The following NSD3 variants were observed in gnomAD, a reference collection of about 807,000 sequenced individuals.
The protein encoded by NSD3 is nuclear receptor binding SET domain protein 3.
Under a neutral mutation model 160.8 loss-of-function variants are expected in NSD3, and 24 were observed. The observed-to-expected ratio is 0.15, with a 90% confidence interval of 0.11 to 0.21. NSD3 has a LOEUF of 0.21. Ranked by LOEUF, NSD3 falls within the 10% of genes least tolerant of loss-of-function variation. The pLI, the probability that NSD3 is intolerant of heterozygous loss-of-function variation, is 1.00. For missense variants in NSD3, 1,157 were observed against 1,735.9 expected, an observed-to-expected ratio of 0.67 and a Z score of 5.93; for synonymous variants, 520 against 600.0, an observed-to-expected ratio of 0.87 and a Z score of 1.95.
chr8:38,290,754 G>GA, intron 16 of NSD3, 77 bp from the exon 17 acceptor site: 8 of 1,493,802 alleles, frequency 5.4e-6, no homozygotes, highest in Non-Finnish European at 7.3e-6. Flanking sequence ...TGGCAGAAGG[G>GA]AAAAAAGTTT....
At chr8:38,311,076 CT>C (rs34628829) in intron 12 of NSD3, among the ~76,000 whole-genome samples, 1,696 of 132,742 alleles carry the variant, frequency 0.013, 18 homozygotes, top group African/African-American at 0.031. Flanking sequence ...TCCCTGATTA[CT>C]TTTTTTTTTT....
At chr8:38,315,850 A>G in intron 10 of NSD3, 62 bp downstream of exon 10, 1 of 1,555,110 alleles carries the variant, frequency 6.4e-7, no homozygotes, top group Admixed American at 2.1e-5. Context: ...TCCCCAAATA[A>G]ATAAGGGAAA....
At chr8:38,296,910 A>AT (rs1207302628) in intron 15 of NSD3, among the ~76,000 whole-genome samples, 1 of 152,030 alleles carries the variant, frequency 6.6e-6, no homozygotes, top group East Asian at 1.9e-4. Flanking sequence ...AATTTCTCCG[A>AT]TTTTTATTAA....
intron 1 of NSD3, among the ~76,000 whole-genome samples, chr8:38,381,169 T>A (rs911490747): frequency 6.6e-6 from 1 of 152,112 alleles, no homozygotes; most frequent in Non-Finnish European, 1.5e-5. Flanking sequence ...ATCGTTCTCA[T>A]CCCTGTCATC....
Position 38,329,132 on chromosome 8 carries a change from A to G in NSD3, c.1581+246T>C, listed in dbSNP as rs1240762424. 1.3e-5 allele frequency among the ~76,000 whole-genome samples: 2 copies of G among 152,348 alleles called. No individual in the cohort carries two copies. The highest frequency in any genetic ancestry group is 1.9e-4 in the East Asian group (1 of 5,196). On this transcript the variant is annotated intron_variant, in intron 6 of 23. Coordinates refer to ENST00000317025, the MANE Select transcript of NSD3 (RefSeq NM_023034.2). This position sits in a 1 kb window ranked among gnomAD's most constrained non-coding sequence, Gnocchi z 4.8. ...CCATGACTTTAGGGAGCTAAGCTCA[A>G]TTTTGGCTGCACAGCTCAAGACTAA...
chr8:38,341,945 C>CA lies in NSD3; in HGVS notation c.676-3339dup, dbSNP rs373409201. On this transcript the variant is annotated intron_variant, in intron 2 of 23. Transcript: ENST00000317025. ...GGGTGACAGAGTGAGACCCTGTCTC[C>CA]AAAAAAACAAAAAAAAAAGGACTTC... 1.7e-3 allele frequency among the ~76,000 whole-genome samples: 249 copies of CA among 148,976 alleles called. 2 individuals are homozygous for CA. Among genetic ancestry groups the CA allele is most frequent in the African/African-American group, 5.7e-3 (231 of 40,588 alleles).
chr8:38,315,067 G>A (rs1476419972), intron 11 of NSD3, among the ~76,000 whole-genome samples: 1 of 152,176 alleles, frequency 6.6e-6, no homozygotes, highest in Non-Finnish European at 1.5e-5. Flanking sequence ...TTTGGGATCT[G>A]CATATTTAAG....
chr8:38,278,489 T>C, intron 21 of NSD3, 77 bp from the exon 22 acceptor site: 2 of 1,235,890 alleles, frequency 1.6e-6, no homozygotes, highest in Non-Finnish European at 2.2e-6. Flanking sequence ...ACTCCCCTAA[T>C]GAAAAAAAGA....
Position 38,288,362 on chromosome 8 carries a change from A to C in NSD3, c.3501+125T>G. 6 of 1,349,860 alleles carry C rather than the reference A, an allele frequency of 4.4e-6. No individual in the cohort carries two copies. Among genetic ancestry groups the C allele is most frequent in the Non-Finnish European group, 5.0e-6 (5 of 994,706 alleles). 83.6% of individuals were successfully genotyped at this position (1,349,860 alleles called of 1,614,324 possible). On this transcript the variant is annotated intron_variant, in intron 19 of 23. Transcript: ENST00000317025. This position sits in a 1 kb window ranked among gnomAD's most constrained non-coding sequence, Gnocchi z 4.5. ...GCTCAAGAAGTACCAAACTCTCAAC[A>C]TGGAAAGTTTTAACATTTTACCACA...
chr8:38,342,326 G>A (rs1585904577), intron 2 of NSD3, among the ~76,000 whole-genome samples: 1 of 152,200 alleles, frequency 6.6e-6, no homozygotes, highest in East Asian at 1.9e-4. Flanking sequence ...AGTAGGGACA[G>A]AGATACCCTC....
chr8:38,300,511 G>A (rs1015883210), intron 14 of NSD3, among the ~76,000 whole-genome samples: 4 of 152,124 alleles, frequency 2.6e-5, no homozygotes, highest in African/African-American at 9.7e-5. Flanking sequence ...GAACTTTACT[G>A]AGGTAATGCA....
chr8:38,378,758 G>A (rs1247774799), intron 1 of NSD3, among the ~76,000 whole-genome samples: 1 of 151,886 alleles, frequency 6.6e-6, no homozygotes, highest in African/African-American at 2.4e-5. Context: ...GGGAGGTGGA[G>A]GTTGTATTGA....
At chr8:38,372,527 C>T (rs1221771670) in intron 1 of NSD3, among the ~76,000 whole-genome samples, 1 of 148,582 alleles carries the variant, frequency 6.7e-6, no homozygotes, top group Non-Finnish European at 1.5e-5. Flanking sequence ...CACAGTTTCG[C>T]TCTTTCGCCC....
At chr8:38,305,481 T>C (rs916587990) in intron 12 of NSD3, 36 bp from the exon 13 acceptor site, 18 of 1,606,700 alleles carry the variant, frequency 1.1e-5, no homozygotes, top group East Asian at 2.2e-5. Flanking sequence ...TTAAATAAAA[T>C]TGACTAAAGC....
At chr8:38,289,536 T>G (rs1335151166) in intron 17 of NSD3, 31 bp from the exon 18 acceptor site, 2 of 1,593,500 alleles carry the variant, frequency 1.3e-6, no homozygotes. Context: ...AGTATGTAAA[T>G]ACCAAAAACC....
chr8:38,299,423 A>G, intron 15 of NSD3, 21 bp downstream of exon 15: 2 of 1,602,514 alleles, frequency 1.2e-6, no homozygotes, highest in Non-Finnish European at 1.7e-6. Context: ...TAAAAGCAAG[A>G]GAAACTATTT....
intron 1 of NSD3, among the ~76,000 whole-genome samples, chr8:38,378,004 T>C (rs1206212919): frequency 6.6e-6 from 1 of 152,168 alleles, no homozygotes; most frequent in East Asian, 1.9e-4. Context: ...AAGAGAAATA[T>C]ACACATACAT....
intron 16 of NSD3, among the ~76,000 whole-genome samples, chr8:38,291,640 A>G (rs1269462998): frequency 6.6e-6 from 1 of 152,234 alleles, no homozygotes; most frequent in Non-Finnish European, 1.5e-5. Flanking sequence ...ATTGTAAACA[A>G]AACAAAAACC....
Position 38,319,036 on chromosome 8 carries a change from TGAG to T in NSD3, c.1810-99_1810-97del, listed in dbSNP as rs761391721. ...ATACTTTCATCAATCTAAGCAATGA[TGAG>T]TGATTAATGTATCTGAAATCTGAAC... On this transcript the variant is annotated intron_variant, in intron 8 of 23. Transcript: ENST00000317025. This position sits in a 1 kb window ranked among gnomAD's most constrained non-coding sequence, Gnocchi z 4.1. The T allele has an allele frequency of 8.4e-5, 91 of 1,087,042 alleles. No homozygotes were observed. The highest frequency in any genetic ancestry group is 1.2e-4 in the Non-Finnish European group (90 of 735,932). 67.3% of individuals were successfully genotyped at this position (1,087,042 alleles called of 1,614,324 possible). A position where few individuals can be genotyped will look rare whatever the true frequency, so the allele number is the denominator to read the frequency against.
Sources: gnomAD v4.1 joint callset for allele counts (sites outside exome capture counted in the v4.1 genomes callset) on GRCh38, gnomAD v4.1.1 for gene constraint, Gnocchi (gnomAD v3.1) non-coding constraint, MANE v1.5 for transcripts, NCBI Gene and HGNC (gene_info 2026-07-23, HGNC 2026-07-21) for gene names.